The following LIM2 variants were observed in gnomAD, a reference collection of about 807,000 sequenced individuals.
The protein encoded by LIM2 is lens fiber membrane intrinsic protein.
In LIM2, 14 loss-of-function variants were observed where a neutral mutation model predicts 19.0. The observed-to-expected ratio is 0.74, with a 90% CI of 0.49 to 1.15. LIM2 has a LOEUF of 1.15. Ranked by LOEUF, LIM2 falls within the 50% of genes most tolerant of loss-of-function variation. LIM2 has a pLI of 0.00. For missense variants in LIM2, 230 were observed against 243.5 expected (o/e 0.94, Z 0.37); for synonymous variants, 78 against 89.6 (o/e 0.87, Z 0.73).
At chr19:51,383,712 T>G (rs1034104540) in intron 2 of LIM2, among the ~76,000 whole-genome samples, 1 of 152,204 alleles carries the variant, frequency 6.6e-6, no homozygotes, top group Non-Finnish European at 1.5e-5. Context: ...ATTTTTATGC[T>G]TCTTTTTCAA....
chr19:51,385,715 G>A (rs1207555943), intron 2 of LIM2, among the ~76,000 whole-genome samples: 2 of 152,176 alleles, frequency 1.3e-5, no homozygotes, highest in Admixed American at 6.5e-5. Context: ...AGAAGGATGT[G>A]TGGAGTCAGG....
At chr19:51,384,363 G>A (rs1986975289) in intron 2 of LIM2, among the ~76,000 whole-genome samples, 1 of 152,122 alleles carries the variant, frequency 6.6e-6, no homozygotes, top group Non-Finnish European at 1.5e-5. Flanking sequence ...CCCGGGAGGT[G>A]GAGGTTGCAG....
chr19:51,387,096 G>A, intron 2 of LIM2, 173 bp downstream of exon 2: 1 of 1,268,048 alleles, frequency 7.9e-7, no homozygotes, highest in Non-Finnish European at 1.1e-6. Context: ...ACTGCAGCTA[G>A]AAAACAACCC....
chr19:51,382,336 A>T (rs1180490259), intron 3 of LIM2, 82 bp downstream of exon 3: 11 of 1,514,628 alleles, frequency 7.3e-6, no homozygotes, highest in Non-Finnish European at 1.0e-5. Context: ...GTAAGGGGTG[A>T]GAATGGTGTT....
intron 2 of LIM2, 191 bp downstream of exon 2, chr19:51,387,078 C>T: frequency 9.7e-7 from 1 of 1,030,068 alleles, no homozygotes. Context: ...AAACCAGCAC[C>T]CCGTGAAACT....
At chr19:51,387,173 G>T in intron 2 of LIM2, 96 bp downstream of exon 2, 1 of 1,612,152 alleles carries the variant, frequency 6.2e-7, no homozygotes. Context: ...TCTTTGAGCC[G>T]CAGAGTTCTC....
chr19:51,384,387 T>C (rs1293008004), intron 2 of LIM2, among the ~76,000 whole-genome samples: 1 of 152,070 alleles, frequency 6.6e-6, no homozygotes, highest in East Asian at 1.9e-4. Flanking sequence ...GCCAAGATCA[T>C]TCCACTGCCC....
intron 1 of LIM2, 85 bp from the exon 2 acceptor site, chr19:51,387,534 G>C (rs980689078): frequency 2.2e-5 from 35 of 1,578,734 alleles, no homozygotes; most frequent in Non-Finnish European, 2.8e-5. Flanking sequence ...GCTCAGGAGT[G>C]GGATGCCAAG....
In LIM2 at chr19:51,380,630, A is replaced by G; in HGVS notation, c.335T>C (p.Val112Ala). 1 of 1,613,398 alleles carries G rather than the reference A, an allele frequency of 6.2e-7. No individual in the cohort carries two copies. Among genetic ancestry groups the G allele is most frequent in the South Asian group, 1.1e-5 (1 of 91,052 alleles). ...AGTGTAGATGGCCAAGGCCAACACGACGAAAAGGGCTGGGGAGAGAGGGCG... is the reference window on the plus strand; with the variant it reads ...AGTGTAGATGGCCAAGGCCAACACGGCGAAAAGGGCTGGGGAGAGAGGGCG... ...GIMFFSSTLF[V>A]VLALAIYTGV... Residue 112 changes from valine (V) to alanine (A), a missense_variant, in exon 4 of 5, where the codon GTC (valine) becomes GCC (alanine). Transcript: ENST00000596399.
chr19:51,386,635 A>G (rs945082944), intron 2 of LIM2, among the ~76,000 whole-genome samples: 6 of 148,790 alleles, frequency 4.0e-5, no homozygotes, highest in African/African-American at 1.5e-4. Context: ...TATGTAGCAT[A>G]TTATATACAA....
At chr19:51,382,715 GGC>G in intron 2 of LIM2, 148 bp from the exon 3 acceptor site, 1 of 1,068,596 alleles carries the variant, frequency 9.4e-7, no homozygotes, top group East Asian at 2.6e-5. Context: ...TTCTTCACCT[GGC>G]AAACTCCTAC....
At position 51,380,228 on chromosome 19, in the gene LIM2, T is replaced by C. The variant is rs1986857528; in HGVS notation, c.495A>G (p.Glu165=). Residue 165 remains glutamate (E), a synonymous_variant, in exon 5 of 5, where the codon GAA becomes GAG. Coordinates refer to ENST00000596399, the MANE Select transcript of LIM2 (RefSeq NM_001161748.2). ...IFYMCAYRVH[E]CRRLSTPR is the part of the protein sequence containing the mutation. ...AGCGGGGTGTAGACAGGCGCCGGCA[T>C]TCATGCACCCGGTAGGCGCACATGT... 2 of 1,613,828 alleles carry C rather than the reference T, an allele frequency of 1.2e-6. No homozygotes were observed. The highest frequency in any genetic ancestry group is 1.7e-4 in the Middle Eastern group (1 of 6,046).
chr19:51,380,724 G>A, intron 3 of LIM2, 85 bp from the exon 4 acceptor site: 1 of 1,516,928 alleles, frequency 6.6e-7, no homozygotes, highest in Non-Finnish European at 9.0e-7. Flanking sequence ...GATGGGGGTG[G>A]GAACTAAGAT....
In LIM2 at chr19:51,387,460, G is replaced by A. The variant is rs760819345; in HGVS notation, c.-6-11C>T. 7.5e-5 allele frequency: 121 copies of A among 1,612,880 alleles called. 1 individual carries two copies. In the South Asian group the frequency reaches 1.3e-3, roughly 17 times the overall value. On this transcript the variant is annotated splice_polypyrimidine_tract_variant and intron_variant, in intron 1 of 4. Coordinates refer to ENST00000596399, the MANE Select transcript of LIM2 (RefSeq NM_001161748.2). ...GCTGTACATGGTGATCTGTGGGGAA[G>A]GGGAGAGATGGGATTGGGAGCTGAA...
In LIM2 at chr19:51,382,770, G is replaced by A. The variant is rs1599861733; in HGVS notation, c.176-203C>T. Among the ~76,000 whole-genome samples, 4 of 152,178 alleles carry A rather than the reference G, an allele frequency of 2.6e-5. No individual in the cohort carries two copies. In the South Asian group the frequency reaches 8.3e-4, roughly 32 times the overall value. ...GCTCCCGTGACCCATCCTCTAGGAAGCATCTCCCCACCCCTCAGTCATCAT... is the reference window on the plus strand; with the variant it reads ...GCTCCCGTGACCCATCCTCTAGGAAACATCTCCCCACCCCTCAGTCATCAT... On this transcript the variant is annotated intron_variant, in intron 2 of 4. Transcript: ENST00000596399.
intron 2 of LIM2, among the ~76,000 whole-genome samples, chr19:51,384,976 C>T (rs1986995337): frequency 6.6e-6 from 1 of 152,084 alleles, no homozygotes; most frequent in African/African-American, 2.4e-5. Context: ...GATCCTCCCA[C>T]TTCAGCCTTC....
intron 2 of LIM2, among the ~76,000 whole-genome samples, chr19:51,384,090 T>G (rs1986968969): frequency 6.6e-6 from 1 of 152,158 alleles, no homozygotes; most frequent in Non-Finnish European, 1.5e-5. Flanking sequence ...TTTGCAAATA[T>G]AATTAGTTAA....
intron 2 of LIM2, among the ~76,000 whole-genome samples, chr19:51,383,768 C>T (rs938511694): frequency 6.6e-6 from 1 of 152,186 alleles, no homozygotes; most frequent in African/African-American, 2.4e-5. Flanking sequence ...TGCCCGAAGT[C>T]TCATAATTAG....
rs138144480 is a variant in LIM2 at position 51,383,267 on chromosome 19, C to T, written c.176-700G>A. Among the ~76,000 whole-genome samples, 186 of 152,092 alleles carry T rather than the reference C, an allele frequency of 1.2e-3. 1 individual carries two copies. Among genetic ancestry groups the T allele is most frequent in the African/African-American group, 4.4e-3 (182 of 41,500 alleles). On this transcript the variant is annotated intron_variant, in intron 2 of 4. Transcript: ENST00000596399. ...CCAGGCTGGTCTCAAACTCCTGGCC[C>T]CAAGTGATCCACCTGCCTTGGCCTC...
Sources: allele counts gnomAD v4.1 joint callset (sites outside exome capture counted in the v4.1 genomes callset), GRCh38; gene constraint gnomAD v4.1.1; transcripts MANE v1.5; gene names NCBI Gene and HGNC (gene_info 2026-07-23, HGNC 2026-07-21).